Variants in NRF1 observed in about 807,000 individuals in gnomAD.
The protein encoded by NRF1 is nuclear respiratory factor 1, also known as alpha palindromic-binding protein.
A neutral mutation model predicts 58.5 loss-of-function variants in NRF1; 5 were observed. That is an observed-to-expected ratio of 0.09 (90% confidence interval 0.04 to 0.18). The LOEUF is 0.18. NRF1 is among the 10% of genes least tolerant of loss of function. The pLI, the probability that NRF1 is intolerant of heterozygous loss-of-function variation, is 1.00. For synonymous variants in NRF1, 224 were observed against 246.7 expected (o/e 0.91, Z 0.86); for missense variants, 288 against 657.7 (o/e 0.44, Z 6.15).
intron 4 of NRF1, among the ~76,000 whole-genome samples, chr7:129,685,125 A>AT (rs911943010): frequency 3.9e-5 from 6 of 152,098 alleles, no homozygotes; most frequent in East Asian, 1.9e-4. Flanking sequence ...TTAAAAAAAA[A>AT]TTTTTTTTAT....
intron 3 of NRF1, among the ~76,000 whole-genome samples, chr7:129,676,275 G>A (rs1025352960): frequency 1.3e-5 from 2 of 152,230 alleles, no homozygotes; most frequent in Non-Finnish European, 2.9e-5. Context: ...ACTTTTCTTT[G>A]CATTAACAAC....
intron 3 of NRF1, among the ~76,000 whole-genome samples, chr7:129,673,584 G>A (rs1271758328): frequency 6.6e-6 from 1 of 151,672 alleles, no homozygotes; most frequent in Non-Finnish European, 1.5e-5. Flanking sequence ...GGGCGCAGTG[G>A]CGGGCGCCTG....
chr7:129,653,490 T>A (rs1246324463), intron 1 of NRF1, among the ~76,000 whole-genome samples: 3 of 152,208 alleles, frequency 2.0e-5, no homozygotes, highest in Non-Finnish European at 4.4e-5. Flanking sequence ...TAGGGTTCCC[T>A]CATGGTATTG....
rs530894335 is a variant in NRF1, at chr7:129,749,433, A to T, written c.1349-5585A>T. 7.2e-4 allele frequency among the ~76,000 whole-genome samples: 69 copies of T among 95,702 alleles called. 1 individual carries two copies. The highest frequency in any genetic ancestry group is 6.9e-3 in the Admixed American group (50 of 7,288). The allele number at this position is 95,702 out of a possible 152,430, so 62.8% of individuals were successfully genotyped here. A position where few individuals can be genotyped will look rare whatever the true frequency, so the allele number is the denominator to read the frequency against. On this transcript the variant is annotated intron_variant, in intron 10 of 10. Transcript: ENST00000393232. Reference sequence around the variant, plus strand: ...TTTTGGCTCAAGAATGATACACATTAAAAAAAAAAAAAAATAGAGCCATGT... The same window carrying T: ...TTTTGGCTCAAGAATGATACACATTTAAAAAAAAAAAAAATAGAGCCATGT...
rs189340124 is a variant in NRF1, at chr7:129,643,429, T to G, written c.-6-13917T>G. ...TACGTTATTTTTCCATAATGGAAATTGAGGCAGCCTCTAATCCTGCTATCA... is the reference window on the plus strand; with the variant it reads ...TACGTTATTTTTCCATAATGGAAATGGAGGCAGCCTCTAATCCTGCTATCA... On this transcript the variant is annotated intron_variant, in intron 1 of 10. Coordinates refer to ENST00000393232, the MANE Select transcript of NRF1 (RefSeq NM_005011.5). Among the ~76,000 whole-genome samples the G allele has an allele frequency of 4.7e-4, 72 of 152,348 alleles. 1 individual carries two copies. Among genetic ancestry groups the G allele is most frequent in the Admixed American group, 4.1e-3 (63 of 15,302 alleles).
At chr7:129,673,716 C>CAAA (rs542854064) in intron 3 of NRF1, among the ~76,000 whole-genome samples, 2,416 of 98,912 alleles carry the variant, frequency 0.024, 121 homozygotes, top group Middle Eastern at 0.053. Context: ...GACTCCGTCT[C>CAAA]AAAAAAAAAA....
At chr7:129,711,394 TTAAA>T in intron 7 of NRF1, 77 bp from the exon 8 acceptor site, 1 of 1,013,136 alleles carries the variant, frequency 9.9e-7, no homozygotes, top group Non-Finnish European at 1.5e-6. Context: ...GAATTTGGGA[TTAAA>T]TGAGTCTCAG....
intron 9 of NRF1, among the ~76,000 whole-genome samples, chr7:129,719,669 A>G (rs1803275674): frequency 6.6e-6 from 1 of 151,908 alleles, no homozygotes; most frequent in South Asian, 2.1e-4. Context: ...TATACTCATC[A>G]TGTTGCTTTT....
Position 129,719,497 on chromosome 7 carries a change from AACACAC to A in NRF1, c.1223+2163_1223+2168del, listed in dbSNP as rs67443980. On this transcript the variant is annotated intron_variant, in intron 9 of 10. Coordinates refer to ENST00000393232, the MANE Select transcript of NRF1 (RefSeq NM_005011.5). ...TGGTTGATTAGGAATAGGAAACTGA[AACACAC>A]ACACACACACACACACACACACACA... Among the ~76,000 whole-genome samples the A allele has an allele frequency of 7.8e-3, 1,104 of 141,990 alleles. 6 individuals are homozygous for A. The highest frequency in any genetic ancestry group is 9.5e-3 in the Non-Finnish European group (612 of 64,572). 93.2% of individuals were successfully genotyped at this position (141,990 alleles called of 152,430 possible).
chr7:129,654,120 T>A (rs1801599267), intron 1 of NRF1, among the ~76,000 whole-genome samples: 1 of 152,224 alleles, frequency 6.6e-6, no homozygotes, highest in African/African-American at 2.4e-5. Flanking sequence ...TTGCTCCACA[T>A]CCTCAACAGC....
intron 5 of NRF1, among the ~76,000 whole-genome samples, chr7:129,695,687 TA>T (rs1167465246): frequency 6.7e-6 from 1 of 150,086 alleles, no homozygotes; most frequent in South Asian, 2.1e-4. Flanking sequence ...TTTTTTTTTT[TA>T]ATCTGGGAAC....
intron 5 of NRF1, among the ~76,000 whole-genome samples, chr7:129,707,239 C>T (rs1300586026): frequency 6.6e-6 from 1 of 152,220 alleles, no homozygotes; most frequent in East Asian, 1.9e-4. Flanking sequence ...AGCATTCTGC[C>T]TGCCTGAGCC....
chr7:129,660,059 A>G (rs911926507), intron 2 of NRF1, among the ~76,000 whole-genome samples: 3 of 152,214 alleles, frequency 2.0e-5, no homozygotes, highest in Non-Finnish European at 2.9e-5. Flanking sequence ...CGCATCTTAC[A>G]TGGATGACAG....
chr7:129,621,903 C>G (rs756041958), intron 1 of NRF1, among the ~76,000 whole-genome samples: 9 of 151,670 alleles, frequency 5.9e-5, no homozygotes, highest in Non-Finnish European at 2.9e-5. Flanking sequence ...CTGCCTCAGC[C>G]TCCTGAGTAG....
At chr7:129,625,722 C>T (rs1347972148) in intron 1 of NRF1, among the ~76,000 whole-genome samples, 2 of 122,164 alleles carry the variant, frequency 1.6e-5, no homozygotes, top group Admixed American at 1.2e-4. Context: ...CGCTCTGTTG[C>T]CCAGGCTGGA....
At chr7:129,613,862 C>A (rs1459670492) in intron 1 of NRF1, among the ~76,000 whole-genome samples, 4 of 151,914 alleles carry the variant, frequency 2.6e-5, no homozygotes, top group African/African-American at 9.7e-5. Context: ...TTGCAGTGAG[C>A]CGAGATGGAG....
chr7:129,714,007 TC>T (rs1803133963), intron 8 of NRF1, among the ~76,000 whole-genome samples: 1 of 152,316 alleles, frequency 6.6e-6, no homozygotes, highest in East Asian at 1.9e-4. Context: ...CTGAATATCT[TC>T]CTCTCCTAGG....
At chr7:129,626,639 G>A (rs1800925859) in intron 1 of NRF1, among the ~76,000 whole-genome samples, 1 of 152,204 alleles carries the variant, frequency 6.6e-6, no homozygotes, top group South Asian at 2.1e-4. Context: ...ACTTAAAGGA[G>A]CATTTAAACT....
chr7:129,659,368 C>T (rs559390824), intron 2 of NRF1, among the ~76,000 whole-genome samples: 40 of 152,190 alleles, frequency 2.6e-4, no homozygotes, highest in Admixed American at 1.0e-3. Context: ...CGTGAGCCAC[C>T]GCATCCAGCG....
Sources: gnomAD v4.1 joint callset for allele counts (sites outside exome capture counted in the v4.1 genomes callset) on GRCh38, gnomAD v4.1.1 for gene constraint, MANE v1.5 for transcripts, NCBI Gene and HGNC (gene_info 2026-07-23, HGNC 2026-07-21) for gene names.